TEAD1: variants seen among roughly 807,000 people sequenced by gnomAD.
TEAD1 encodes the protein transcriptional enhancer factor TEF-1.
A neutral mutation model predicts 54.9 loss-of-function variants in TEAD1; 9 were observed. The observed-to-expected ratio is 0.16, with a 90% CI of 0.10 to 0.29. The LOEUF (loss-of-function observed/expected upper bound fraction) is 0.29. Among genes scored for constraint, TEAD1 ranks in the 10% least tolerant of loss-of-function variants. The pLI, the probability that TEAD1 is intolerant of heterozygous loss-of-function variation, is 1.00. For synonymous variants in TEAD1, 200 were observed against 187.8 expected, an observed-to-expected ratio of 1.07 and a Z score of -0.53; for missense variants, 387 against 535.9, an observed-to-expected ratio of 0.72 and a Z score of 2.74.
intron 2 of TEAD1, among the ~76,000 whole-genome samples, chr11:12,688,350 T>G (rs1293492305): frequency 6.6e-6 from 1 of 152,136 alleles, no homozygotes; most frequent in Non-Finnish European, 1.5e-5. Flanking sequence ...CTTGGTTGGT[T>G]TTTGGTGGGA....
At position 12,809,530 on chromosome 11, in the gene TEAD1, AC is replaced by A. The variant is rs1468128373; in HGVS notation, c.202+45101del. On this transcript the variant is annotated intron_variant, in intron 3 of 12. Coordinates refer to ENST00000527636, the MANE Select transcript of TEAD1 (RefSeq NM_021961.6). ...ATGGAATTGATGTCTCTGTGTACAC[AC>A]CCCCAGATCAAAGACCATGCTTCTT... 2.0e-5 allele frequency among the ~76,000 whole-genome samples: 3 copies of A among 151,588 alleles called. No individual in the cohort carries two copies. In the East Asian group the frequency reaches 5.8e-4, roughly 29 times the overall value.
At chr11:12,692,609 T>C (rs1230059652) in intron 2 of TEAD1, among the ~76,000 whole-genome samples, 1 of 152,162 alleles carries the variant, frequency 6.6e-6, no homozygotes, top group Non-Finnish European at 1.5e-5. Flanking sequence ...CGCCCCCGCT[T>C]TCCTCCGTGG....
intron 2 of TEAD1, among the ~76,000 whole-genome samples, chr11:12,724,689 C>T (rs1416984473): frequency 6.6e-6 from 1 of 152,218 alleles, no homozygotes; most frequent in Non-Finnish European, 1.5e-5. Flanking sequence ...GCTGTTTCTC[C>T]GGCTCCCTGG....
At chr11:12,816,235 G>GCCTTGCTGCCAC (rs540568426) in intron 3 of TEAD1, among the ~76,000 whole-genome samples, 550 of 152,292 alleles carry the variant, frequency 3.6e-3, no homozygotes, top group Non-Finnish European at 6.2e-3. Flanking sequence ...CAAGCTGCCC[G>GCCTTGCTGCCAC]CCTTGCTGCC....
At chr11:12,746,113 G>A (rs1944741466) in intron 2 of TEAD1, among the ~76,000 whole-genome samples, 1 of 152,212 alleles carries the variant, frequency 6.6e-6, no homozygotes, top group Non-Finnish European at 1.5e-5. Context: ...TCCCTACAGT[G>A]ATTGAAGTTA....
intron 2 of TEAD1, among the ~76,000 whole-genome samples, chr11:12,686,376 A>AGGG (rs1418454199): frequency 6.6e-6 from 1 of 152,198 alleles, no homozygotes; most frequent in Non-Finnish European, 1.5e-5. Flanking sequence ...ATTTCAGGAA[A>AGGG]CAACTTTCCC....
chr11:12,695,741 T>C (rs554328877), intron 2 of TEAD1, among the ~76,000 whole-genome samples: 1 of 152,340 alleles, frequency 6.6e-6, no homozygotes, highest in Non-Finnish European at 1.5e-5. Flanking sequence ...GGGGCCTCAC[T>C]TAACCTTTAC....
chr11:12,838,103 A>G (rs747911741), intron 3 of TEAD1, among the ~76,000 whole-genome samples: 3 of 152,106 alleles, frequency 2.0e-5, no homozygotes, highest in East Asian at 1.9e-4. Context: ...AGCCTAATCT[A>G]TGGGATTTTG....
At chr11:12,919,667 A>G (rs905405712) in intron 10 of TEAD1, among the ~76,000 whole-genome samples, 14 of 151,940 alleles carry the variant, frequency 9.2e-5, no homozygotes, top group African/African-American at 3.1e-4. Flanking sequence ...CTAATTAAAA[A>G]AAAAAAATTA....
At chr11:12,817,048 C>T (rs1055326342) in intron 3 of TEAD1, among the ~76,000 whole-genome samples, 8 of 152,180 alleles carry the variant, frequency 5.3e-5, no homozygotes, top group Admixed American at 3.9e-4. Flanking sequence ...CATGTTCACT[C>T]GCTGCTGGAT....
chr11:12,697,868 C>G (rs1425783704), intron 2 of TEAD1, among the ~76,000 whole-genome samples: 2 of 151,996 alleles, frequency 1.3e-5, no homozygotes, highest in Non-Finnish European at 2.9e-5. Context: ...ACTAAAAATA[C>G]AAAAATTAGC....
intron 3 of TEAD1, among the ~76,000 whole-genome samples, chr11:12,802,825 AG>A (rs897276950): frequency 6.6e-6 from 1 of 152,214 alleles, no homozygotes; most frequent in Non-Finnish European, 1.5e-5. Context: ...CCTGGTTGAA[AG>A]CAGTTAATTA....
intron 5 of TEAD1, among the ~76,000 whole-genome samples, chr11:12,872,035 T>A (rs1284215595): frequency 6.6e-6 from 1 of 152,184 alleles, no homozygotes. Flanking sequence ...CCTTTATGAT[T>A]TGATTTCTGA....
At chr11:12,896,413 C>T (rs549982457) in intron 9 of TEAD1, among the ~76,000 whole-genome samples, 1 of 152,262 alleles carries the variant, frequency 6.6e-6, no homozygotes, top group South Asian at 2.1e-4. Context: ...AACATACCCT[C>T]CTATAGCTCC....
chr11:12,678,297 A>G (rs1217470187), intron 2 of TEAD1, among the ~76,000 whole-genome samples: 1 of 152,206 alleles, frequency 6.6e-6, no homozygotes. Flanking sequence ...CTAATGTCCA[A>G]CTTTTGGACT....
At chr11:12,719,508 G>A (rs1944134935) in intron 2 of TEAD1, among the ~76,000 whole-genome samples, 1 of 131,244 alleles carries the variant, frequency 7.6e-6, no homozygotes, top group Admixed American at 9.8e-5. Flanking sequence ...TATGCTCCTT[G>A]CTTAACTCCA....
At chr11:12,882,340 G>T (rs1259216810) in intron 8 of TEAD1, among the ~76,000 whole-genome samples, 1 of 152,132 alleles carries the variant, frequency 6.6e-6, no homozygotes, top group African/African-American at 2.4e-5. Context: ...TTTCGGTCCT[G>T]CTACCTTTCT....
At chr11:12,873,717 A>T (rs939515559) in intron 5 of TEAD1, among the ~76,000 whole-genome samples, 3 of 152,194 alleles carry the variant, frequency 2.0e-5, no homozygotes, top group Admixed American at 1.3e-4. Context: ...GCTAGAAAAA[A>T]AATCAAGTGC....
rs201941782 is a variant in TEAD1 at position 12,902,110 on chromosome 11, C to T, written c.870C>T (p.Phe290=). ...AAAATGCCTTCTTCCTCGTAAAATTCTGGGTGAGTAAGACATTGCTGTGAT... is the reference window on the plus strand; with the variant it reads ...AAAATGCCTTCTTCCTCGTAAAATTTTGGGTGAGTAAGACATTGCTGTGAT... Residue 290 remains phenylalanine, a synonymous_variant, in exon 10 of 13, where the codon TTC becomes TTT. Transcript: ENST00000527636. 15 of 1,614,210 alleles carry T rather than the reference C, an allele frequency of 9.3e-6. No homozygotes were observed. Among genetic ancestry groups the T allele is most frequent in the Non-Finnish European group, 1.2e-5 (14 of 1,180,040 alleles).
Sources: gnomAD v4.1 joint callset for allele counts (sites outside exome capture counted in the v4.1 genomes callset) on GRCh38, gnomAD v4.1.1 for gene constraint, MANE v1.5 for transcripts, NCBI Gene and HGNC (gene_info 2026-07-23, HGNC 2026-07-21) for gene names.